AK9: variants seen among roughly 807,000 people sequenced by gnomAD.
AK9 encodes adenylate kinase domain containing 1.
In AK9, 191 loss-of-function variants were observed where a neutral mutation model predicts 239.6. The observed-to-expected ratio is 0.80, with a 90% CI of 0.71 to 0.90. AK9 has a LOEUF of 0.90. Among genes scored for constraint, AK9 ranks in the 40% least tolerant of loss-of-function variants. The probability of loss-of-function intolerance (pLI) is 0.00; values close to 1 mark genes in which losing one functional copy is unlikely to be tolerated. For synonymous variants in AK9, 689 were observed against 721.0 expected (o/e 0.96, Z 0.71); for missense variants, 1,995 against 2,214.7 (o/e 0.90, Z 1.99).
At chr6:109,653,578 C>T (rs914093856) in intron 8 of AK9, among the ~76,000 whole-genome samples, 1 of 151,936 alleles carries the variant, frequency 6.6e-6, no homozygotes, top group African/African-American at 2.4e-5. Context: ...TATGATTTAT[C>T]TTTTGAATGT....
intron 13 of AK9, among the ~76,000 whole-genome samples, chr6:109,616,417 A>G (rs1283287334): frequency 6.6e-6 from 1 of 150,432 alleles, no homozygotes; most frequent in African/African-American, 2.4e-5. Context: ...TTTTTTTTTG[A>G]CACAGGTTGG....
intron 17 of AK9, among the ~76,000 whole-genome samples, chr6:109,591,048 C>T (rs1045928096): frequency 6.6e-6 from 1 of 152,034 alleles, no homozygotes; most frequent in Non-Finnish European, 1.5e-5. Context: ...GGTCTAGAGT[C>T]CAATTTAAGC....
At chr6:109,530,940 G>A (rs528547395) in intron 28 of AK9, among the ~76,000 whole-genome samples, 2 of 152,234 alleles carry the variant, frequency 1.3e-5, no homozygotes, top group African/African-American at 4.8e-5. Context: ...CTACTTGGGA[G>A]GCTGAGGCAG....
rs183952608 is a variant in AK9 at position 109,627,698 on chromosome 6, C to A, written c.1254+5225G>T. On this transcript the variant is annotated intron_variant, in intron 12 of 40. Coordinates refer to ENST00000424296, the MANE Select transcript of AK9 (RefSeq NM_001145128.3). Reference sequence around the variant, plus strand: ...TGAGACAGAGTCTCTCCTTGTCACCCAGGCTGGAATGCAGTGGTGTAATCT... The same window carrying A: ...TGAGACAGAGTCTCTCCTTGTCACCAAGGCTGGAATGCAGTGGTGTAATCT... 2.8e-3 allele frequency among the ~76,000 whole-genome samples: 426 copies of A among 152,214 alleles called. 1 individual carries two copies. Among genetic ancestry groups the A allele is most frequent in the African/African-American group, 9.9e-3 (410 of 41,532 alleles).
At chr6:109,630,036 ACTAT>A in intron 12 of AK9, among the ~76,000 whole-genome samples, 1 of 152,336 alleles carries the variant, frequency 6.6e-6, no homozygotes, top group East Asian at 1.9e-4. Context: ...AGACCCTTGC[ACTAT>A]CTAAGAAGTA....
chr6:109,596,126 T>C (rs1255669794), intron 17 of AK9, among the ~76,000 whole-genome samples: 1 of 152,222 alleles, frequency 6.6e-6, no homozygotes, highest in Non-Finnish European at 1.5e-5. Context: ...CTGCAGCCAA[T>C]GCAGATGGGT....
intron 17 of AK9, among the ~76,000 whole-genome samples, chr6:109,601,238 A>G (rs1459487471): frequency 6.6e-6 from 1 of 152,150 alleles, no homozygotes. Flanking sequence ...CCCTCTACAC[A>G]CTGCTTTAAA....
At chr6:109,657,850 A>G (rs978883374) in intron 7 of AK9, among the ~76,000 whole-genome samples, 2 of 152,124 alleles carry the variant, frequency 1.3e-5, no homozygotes, top group East Asian at 1.9e-4. Flanking sequence ...CAGCGTGTGT[A>G]AAAGTTCTCA....
chr6:109,568,336 A>G (rs1786889116), intron 21 of AK9, among the ~76,000 whole-genome samples: 1 of 152,170 alleles, frequency 6.6e-6, no homozygotes, highest in Non-Finnish European at 1.5e-5. Context: ...TGAATGGGCA[A>G]AAACTGGAAG....
At chr6:109,572,391 A>C (rs1004057449) in intron 21 of AK9, among the ~76,000 whole-genome samples, 3 of 152,312 alleles carry the variant, frequency 2.0e-5, no homozygotes, top group South Asian at 2.1e-4. Flanking sequence ...TCTGTGAACT[A>C]TCTATTTCTT....
chr6:109,609,891 G>A (rs967448488), intron 17 of AK9, among the ~76,000 whole-genome samples: 2 of 152,070 alleles, frequency 1.3e-5, no homozygotes, highest in Non-Finnish European at 2.9e-5. Context: ...TAGCATTTGA[G>A]GATTTTTTTT....
rs1202623620 is a variant in AK9, at chr6:109,497,354, A to ACTCTCT, written c.5315+110_5315+111insAGAGAG. On this transcript the variant is annotated intron_variant, in intron 38 of 40. Transcript: ENST00000424296. ...CACACACACACACACACACACACACACACACACACTCTCTCTCTCTCTCTC... is the reference window on the plus strand; with the variant it reads ...CACACACACACACACACACACACACACTCTCTCACACACACTCTCTCTCTCTCTCTC... The ACTCTCT allele has an allele frequency of 4.2e-4, 253 of 605,318 alleles. No homozygotes were observed. In the African/African-American group the frequency reaches 6.0e-3, roughly 14 times the overall value. The allele number at this position is 605,318 out of a possible 1,614,324, so 37.5% of individuals were successfully genotyped here. A position where few individuals can be genotyped will look rare whatever the true frequency, so the allele number is the denominator to read the frequency against.
At chr6:109,663,632 G>A (rs995470539) in intron 5 of AK9, among the ~76,000 whole-genome samples, 1 of 152,196 alleles carries the variant, frequency 6.6e-6, no homozygotes, top group African/African-American at 2.4e-5. Flanking sequence ...ATAGTAAAGT[G>A]TGTCAACATT....
chr6:109,574,180 G>A (rs1419808898), intron 20 of AK9, among the ~76,000 whole-genome samples: 1 of 152,142 alleles, frequency 6.6e-6, no homozygotes, highest in Non-Finnish European at 1.5e-5. Flanking sequence ...AATAAATCAT[G>A]TAGTATATTA....
intron 6 of AK9, 92 bp from the exon 7 acceptor site, chr6:109,659,505 C>A: frequency 7.1e-7 from 1 of 1,405,628 alleles, no homozygotes; most frequent in Non-Finnish European, 9.3e-7. Context: ...AGTACATAAA[C>A]CAAAAAATTC....
chr6:109,619,588 A>T (rs945228066), intron 12 of AK9, among the ~76,000 whole-genome samples: 6 of 152,134 alleles, frequency 3.9e-5, no homozygotes, highest in Non-Finnish European at 7.4e-5. Flanking sequence ...CATACATCTT[A>T]AGTACACAGT....
chr6:109,516,145 G>A, intron 30 of AK9, 70 bp from the exon 31 acceptor site: 1 of 1,289,494 alleles, frequency 7.8e-7, no homozygotes, highest in South Asian at 1.4e-5. Context: ...GTCACAGCAT[G>A]TAGACACTGC....
At position 109,534,109 on chromosome 6, in the gene AK9, T is replaced by C. The variant is rs375358918; in HGVS notation, c.3351-639A>G. ...TGTATCCTGGTTCCTATGGGCAAGA[T>C]GATTATATTCAAATGGGATTGTCAA... On this transcript the variant is annotated intron_variant, in intron 27 of 40. Coordinates refer to ENST00000424296, the MANE Select transcript of AK9 (RefSeq NM_001145128.3). 4.5e-4 allele frequency among the ~76,000 whole-genome samples: 69 copies of C among 151,912 alleles called. 2 individuals are homozygous for C. The South Asian group carries it at 0.014, about 31-fold the overall frequency.
chr6:109,645,436 C>A lies in AK9; in HGVS notation c.760-748G>T, dbSNP rs1226831852. Among the ~76,000 whole-genome samples, 3 of 152,230 alleles carry A rather than the reference C, an allele frequency of 2.0e-5. No homozygotes were observed. The East Asian group carries it at 5.8e-4, about 29-fold the overall frequency. ...GCGCCTGGCTCAGAGCACCCCATGC[C>A]CACAGAGCCTTGCTCACTGCTAGCA... On this transcript the variant is annotated intron_variant, in intron 8 of 40. Transcript: ENST00000424296.
Sources: allele counts gnomAD v4.1 joint callset (sites outside exome capture counted in the v4.1 genomes callset), GRCh38; gene constraint gnomAD v4.1.1; transcripts MANE v1.5; gene names NCBI Gene and HGNC (gene_info 2026-07-23, HGNC 2026-07-21).